FDFT1: variants seen among roughly 807,000 people sequenced by gnomAD.
The protein encoded by FDFT1 is farnesyl-diphosphate farnesyltransferase 1.
FDFT1 carries 68 observed loss-of-function variants against 46.8 expected under a neutral mutation model. The observed-to-expected ratio is 1.45, with a 90% CI of 1.19 to 1.78. The LOEUF (loss-of-function observed/expected upper bound fraction) is 1.78, where lower values mean the gene tolerates loss of function less well. Among genes scored for constraint, FDFT1 ranks in the 40% most tolerant of loss-of-function variants. The probability of loss-of-function intolerance (pLI) is 0.00; values close to 1 mark genes in which losing one functional copy is unlikely to be tolerated. For synonymous variants in FDFT1, 351 were observed against 185.1 expected, an observed-to-expected ratio of 1.90 and a Z score of -7.28; for missense variants, 928 against 524.4, an observed-to-expected ratio of 1.77 and a Z score of -7.52.
chr8:11,810,050 C>T (rs1283461964), intron 3 of FDFT1, 200 bp downstream of exon 3: 2 of 534,602 alleles, frequency 3.7e-6, no homozygotes, highest in Non-Finnish European at 6.6e-6. Context: ...ACTTACTAAA[C>T]TGTTGGTTAC....
At chr8:11,833,801 T>G (rs1293318) in intron 7 of FDFT1, among the ~76,000 whole-genome samples, 112,744 of 152,178 alleles carry the variant, frequency 0.74, 43,003 homozygotes, top group South Asian at 0.84. Flanking sequence ...ATAAGAGGTT[T>G]GCTGACTTCT....
At chr8:11,802,732 C>T, upstream of FDFT1, 2 of 901,378 alleles carry the variant, frequency 2.2e-6, no homozygotes, top group East Asian at 2.7e-5. Flanking sequence ...CCTGTCCGGC[C>T]AGCCCCTCGA....
At chr8:11,808,467 C>G (rs1357008958) in intron 1 of FDFT1, 3 of 1,286,880 alleles carry the variant, frequency 2.3e-6, no homozygotes, top group Non-Finnish European at 2.0e-6. Flanking sequence ...GGGCGCTTCC[C>G]AGATCTGCTT....
intron 1 of FDFT1, 80 bp downstream of exon 1, chr8:11,803,011 G>A: frequency 6.6e-7 from 1 of 1,524,964 alleles, no homozygotes; most frequent in East Asian, 2.5e-5. Flanking sequence ...GCCGGGCCCG[G>A]ATCTGGGGCA....
At chr8:11,800,951 G>C (rs1404974151), upstream of FDFT1, among the ~76,000 whole-genome samples, 1 of 152,170 alleles carries the variant, frequency 6.6e-6, no homozygotes, top group East Asian at 1.9e-4. Flanking sequence ...GTTTACAGTA[G>C]TAGGGGAAAC....
chr8:11,827,901 A>AAAACG (rs1474214889), intron 5 of FDFT1, among the ~76,000 whole-genome samples: 1 of 135,698 alleles, frequency 7.4e-6, no homozygotes, highest in South Asian at 2.2e-4. Flanking sequence ...AAAACAAAAC[A>AAAACG]AAAAAAACAG....
intron 5 of FDFT1, among the ~76,000 whole-genome samples, chr8:11,828,611 G>A (rs890860139): frequency 4.6e-5 from 7 of 152,264 alleles, no homozygotes; most frequent in Non-Finnish European, 7.3e-5. Context: ...TGCACACACA[G>A]GAGCAGAGCC....
At chr8:11,824,107 C>A (rs1019214980) in intron 4 of FDFT1, among the ~76,000 whole-genome samples, 4 of 152,170 alleles carry the variant, frequency 2.6e-5, no homozygotes, top group African/African-American at 9.7e-5. Flanking sequence ...AAGCAGTCCC[C>A]TCTCCACAGC....
Position 11,807,162 on chromosome 8 carries a change from T to A in FDFT1, c.100-1632T>A, listed in dbSNP as rs187622204. Among the ~76,000 whole-genome samples the A allele has an allele frequency of 1.3e-3, 197 of 152,290 alleles. 6 individuals carry two copies. The highest frequency in any genetic ancestry group is 4.1e-4 in the Non-Finnish European group (28 of 68,030). On this transcript the variant is annotated intron_variant, in intron 1 of 7. Coordinates refer to ENST00000220584, the MANE Select transcript of FDFT1 (RefSeq NM_004462.5). ...ACCACTCCTATTGGATATTTGTTTT[T>A]TATTTTTTTGAGATGGGGTCCCACT... is the stretch of plus-strand genomic sequence containing the variant.
At chr8:11,797,726 A>C (rs187002161), upstream of FDFT1, among the ~76,000 whole-genome samples, 338 of 152,232 alleles carry the variant, frequency 2.2e-3, 4 homozygotes, top group Middle Eastern at 0.014. Flanking sequence ...ACACCAGAAA[A>C]GGATTCCTGA....
At chr8:11,831,089 C>G (rs1810715682) in intron 6 of FDFT1, among the ~76,000 whole-genome samples, 1 of 152,142 alleles carries the variant, frequency 6.6e-6, no homozygotes, top group Admixed American at 6.5e-5. Context: ...TTGTTCTCCC[C>G]CTGGCATTGG....
At chr8:11,810,432 C>T (rs1807550039) in intron 3 of FDFT1, among the ~76,000 whole-genome samples, 1 of 152,208 alleles carries the variant, frequency 6.6e-6, no homozygotes, top group Admixed American at 6.5e-5. Context: ...TCTGCCACTT[C>T]ACCTGTGATC....
intron 4 of FDFT1, 51 bp downstream of exon 4, chr8:11,821,929 A>C (rs374015675): frequency 1.9e-6 from 3 of 1,590,018 alleles, no homozygotes; most frequent in Non-Finnish European, 1.7e-6. Context: ...CAGAGCTGGC[A>C]GTCCTCATAG....
At chr8:11,810,064 C>A (rs139028600) in intron 3 of FDFT1, 10 of 519,000 alleles carry the variant, frequency 1.9e-5, no homozygotes, top group African/African-American at 3.8e-5. Context: ...TGGTTACTTA[C>A]AAAGACTCTC....
At chr8:11,829,926 C>T (rs1430439833) in intron 5 of FDFT1, among the ~76,000 whole-genome samples, 2 of 151,604 alleles carry the variant, frequency 1.3e-5, no homozygotes, top group Non-Finnish European at 2.9e-5. Context: ...TGACTCACTG[C>T]AACCTCCGCC....
chr8:11,832,551 CAAAAAAAAAAA>C (rs531759815), intron 7 of FDFT1, among the ~76,000 whole-genome samples: 7 of 36,358 alleles, frequency 1.9e-4, no homozygotes, highest in Admixed American at 1.4e-3. Flanking sequence ...GACTTTGTCT[CAAAAAAAAAAA>C]AAAAAAAAAA....
upstream of FDFT1, among the ~76,000 whole-genome samples, chr8:11,798,941 A>G (rs1805832693): frequency 6.6e-6 from 1 of 152,230 alleles, no homozygotes; most frequent in Non-Finnish European, 1.5e-5. Context: ...AGCTTAGACC[A>G]CAGACGGGCA....
At chr8:11,806,187 C>T (rs1027212880) in intron 1 of FDFT1, among the ~76,000 whole-genome samples, 1 of 152,122 alleles carries the variant, frequency 6.6e-6, no homozygotes, top group Non-Finnish European at 1.5e-5. Context: ...CACACCCTTC[C>T]TCTAAATTCC....
chr8:11,820,124 G>C (rs1317841284), intron 3 of FDFT1, among the ~76,000 whole-genome samples: 1 of 152,144 alleles, frequency 6.6e-6, no homozygotes, highest in East Asian at 1.9e-4. Context: ...TGTTGGAGTT[G>C]CTGGAGGTCC....
Sources: gnomAD v4.1 joint callset for allele counts (sites outside exome capture counted in the v4.1 genomes callset) on GRCh38, gnomAD v4.1.1 for gene constraint, MANE v1.5 for transcripts, NCBI Gene and HGNC (gene_info 2026-07-23, HGNC 2026-07-21) for gene names.